Variants in KLHL13 observed in about 807,000 individuals in gnomAD.
KLHL13 encodes kelch like family member 13.
KLHL13 carries 10 observed loss-of-function variants against 37.1 expected under a neutral mutation model. The ratio of observed to expected loss-of-function variants is 0.27; its 90% CI spans 0.17 to 0.46. The LOEUF (loss-of-function observed/expected upper bound fraction) is 0.46, where lower values mean the gene tolerates loss of function less well. Ranked by LOEUF, KLHL13 falls within the 20% of genes least tolerant of loss-of-function variation. KLHL13 has a pLI of 1.00. For synonymous variants in KLHL13, 163 were observed against 181.2 expected, an observed-to-expected ratio of 0.90 and a Z score of 0.81; for missense variants, 360 against 509.3, an observed-to-expected ratio of 0.71 and a Z score of 2.82.
intron 1 of KLHL13, among the ~76,000 whole-genome samples, chrX:118,047,654 C>T (rs181198675): frequency 1.7e-4 from 19 of 111,821 alleles, no homozygotes; most frequent in Middle Eastern, 4.7e-3. Context: ...CAAATAAATG[C>T]TATTTTAATT....
intron 1 of KLHL13, among the ~76,000 whole-genome samples, chrX:118,019,283 A>T (rs961432657): frequency 1.8e-5 from 2 of 111,553 alleles, no homozygotes; most frequent in Admixed American, 1.9e-4. Flanking sequence ...GGCTGCATAA[A>T]TGTCTTCTTT....
intron 1 of KLHL13, among the ~76,000 whole-genome samples, chrX:118,038,217 G>A (rs2054471178): frequency 8.9e-6 from 1 of 111,912 alleles, no homozygotes; most frequent in Admixed American, 9.5e-5. Context: ...ATTGGGAAAT[G>A]TTACTCAAGT....
At chrX:118,107,852 G>A (rs1444143968) in intron 1 of KLHL13, among the ~76,000 whole-genome samples, 1 of 111,606 alleles carries the variant, frequency 9.0e-6, no homozygotes, top group Non-Finnish European at 1.9e-5. Context: ...TTGAGCTCAG[G>A]ACCAGCCTGA....
intron 1 of KLHL13, among the ~76,000 whole-genome samples, chrX:118,064,366 T>G (rs1051796682): frequency 8.9e-6 from 1 of 111,847 alleles, no homozygotes; most frequent in South Asian, 3.7e-4. Context: ...AAAAGAAAGG[T>G]CAGCTTTCCC....
At chrX:118,031,670 A>G (rs1219900436) in intron 1 of KLHL13, among the ~76,000 whole-genome samples, 2 of 101,211 alleles carry the variant, frequency 2.0e-5, no homozygotes, top group African/African-American at 7.1e-5. Flanking sequence ...TATATAATAT[A>G]TATAACTAAA....
At chrX:117,964,482 G>T (rs972166701) in intron 1 of KLHL13, among the ~76,000 whole-genome samples, 1 of 112,145 alleles carries the variant, frequency 8.9e-6, no homozygotes. Flanking sequence ...ATGATCACAA[G>T]GACTATGCCC....
chrX:117,953,101 C>A (rs1383623610), intron 1 of KLHL13, among the ~76,000 whole-genome samples: 18 of 110,392 alleles, frequency 1.6e-4, no homozygotes, highest in African/African-American at 5.9e-4. Flanking sequence ...AAGACACATG[C>A]ACACGTATGT....
chrX:118,080,498 A>G (rs1399801145), intron 1 of KLHL13, among the ~76,000 whole-genome samples: 1 of 111,655 alleles, frequency 9.0e-6, no homozygotes, highest in Non-Finnish European at 1.9e-5. Context: ...AGCAGCCAAC[A>G]AGCATATGAA....
chrX:118,098,355 C>A lies in KLHL13; in HGVS notation c.-56+18153G>T, dbSNP rs763009068. ...ATCATCACTGGCCATCAGAGAAATGCAAATCAAAACCACAATGAGATACCA... is the reference window on the plus strand; with the variant it reads ...ATCATCACTGGCCATCAGAGAAATGAAAATCAAAACCACAATGAGATACCA... On this transcript the variant is annotated intron_variant, in intron 1 of 6. Coordinates refer to the KLHL13 transcript ENST00000371882. Among the ~76,000 whole-genome samples, 127 of 111,703 alleles carry A rather than the reference C, an allele frequency of 1.1e-3. 1 individual carries two copies. Among genetic ancestry groups the A allele is most frequent in the African/African-American group, 4.0e-3 (123 of 30,609 alleles).
At position 118,099,465 on chromosome X, in the gene KLHL13, C is replaced by A. The variant is rs147724824; in HGVS notation, c.-56+17043G>T. On this transcript the variant is annotated intron_variant, in intron 1 of 6. Coordinates refer to the KLHL13 transcript ENST00000371882. ...AGACTTTCAAAAGGCTAAGTTAAAG[C>A]CAGCCATGGGTTAAAGCCATGAGTT... 9.3e-3 allele frequency among the ~76,000 whole-genome samples: 1,032 copies of A among 111,364 alleles called. 13 individuals are homozygous for A. Among genetic ancestry groups the A allele is most frequent in the African/African-American group, 0.032 (976 of 30,638 alleles).
intron 1 of KLHL13, among the ~76,000 whole-genome samples, chrX:117,982,052 A>G (rs951070375): frequency 9.1e-6 from 1 of 110,276 alleles, no homozygotes; most frequent in African/African-American, 3.3e-5. Context: ...TCAGTCATCA[A>G]TAAGTATCAA....
upstream of KLHL13, among the ~76,000 whole-genome samples, chrX:117,975,676 C>A (rs1164774146): frequency 8.9e-6 from 1 of 112,156 alleles, no homozygotes; most frequent in Non-Finnish European, 1.9e-5. Flanking sequence ...AAGGCGTGAG[C>A]CACCGTGCCT....
chrX:118,078,306 G>C (rs763363415), intron 1 of KLHL13, among the ~76,000 whole-genome samples: 2 of 111,343 alleles, frequency 1.8e-5, no homozygotes, highest in Admixed American at 1.9e-4. Context: ...CTTTTTAGGT[G>C]TACAGCTGAG....
In KLHL13 at chrX:117,959,482, A is replaced by G. The variant is rs1287646648; in HGVS notation, c.98+13249T>C. Among the ~76,000 whole-genome samples the G allele has an allele frequency of 2.7e-5, 3 of 112,562 alleles. No individual in the cohort carries two copies. The East Asian group carries it at 8.3e-4, about 31-fold the overall frequency. On this transcript the variant is annotated intron_variant, in intron 1 of 6. Coordinates refer to ENST00000262820, the Ensembl canonical transcript of KLHL13. ...GCTCTGATATAATCACATTTAATAA[A>G]GAGAAACCTAGTTAAGATTTTGTAG... is the stretch of plus-strand genomic sequence containing the variant.
At chrX:117,995,130 C>G (rs1296439376) in intron 1 of KLHL13, among the ~76,000 whole-genome samples, 1 of 110,890 alleles carries the variant, frequency 9.0e-6, no homozygotes, top group Non-Finnish European at 1.9e-5. Flanking sequence ...CTCTTTGAAG[C>G]TGCCATTTTT....
chrX:118,077,672 T>C (rs2054941893), intron 1 of KLHL13, among the ~76,000 whole-genome samples: 1 of 110,768 alleles, frequency 9.0e-6, no homozygotes, highest in African/African-American at 3.3e-5. Context: ...AAGTTGCTTC[T>C]GTTTGGGGAC....
intron 1 of KLHL13, among the ~76,000 whole-genome samples, chrX:118,003,929 T>C (rs1033688127): frequency 3.4e-4 from 38 of 110,608 alleles, no homozygotes; most frequent in African/African-American, 1.2e-3. Flanking sequence ...GAAGGTGTCA[T>C]TGCAGGAAGA....
chrX:118,106,838 C>T (rs1318173508), intron 1 of KLHL13, among the ~76,000 whole-genome samples: 2 of 112,097 alleles, frequency 1.8e-5, no homozygotes, highest in Admixed American at 1.9e-4. Flanking sequence ...TAGACTTATC[C>T]ATTCATTTAT....
chrX:118,028,134 T>G (rs1055209112), intron 1 of KLHL13, among the ~76,000 whole-genome samples: 2 of 111,834 alleles, frequency 1.8e-5, no homozygotes, highest in African/African-American at 6.5e-5. Flanking sequence ...GATATGCCTT[T>G]AAAACTAAAA....
Sources: allele counts gnomAD v4.1 joint callset (sites outside exome capture counted in the v4.1 genomes callset), GRCh38; gene constraint gnomAD v4.1.1; transcripts MANE v1.5; gene names NCBI Gene and HGNC (gene_info 2026-07-23, HGNC 2026-07-21).